The following METAP1 variants were observed in gnomAD, a reference collection of about 807,000 sequenced individuals.
METAP1 encodes the protein methionine aminopeptidase 1.
In METAP1, 28 loss-of-function variants were observed where a neutral mutation model predicts 53.8. That is an observed-to-expected ratio of 0.52 (90% confidence interval 0.39 to 0.71). METAP1 has a LOEUF of 0.71. METAP1 is among the 30% of genes least tolerant of loss of function. METAP1 has a pLI of 0.00. For missense variants in METAP1, 389 were observed against 479.8 expected, an observed-to-expected ratio of 0.81 and a Z score of 1.77; for synonymous variants, 181 against 165.7, an observed-to-expected ratio of 1.09 and a Z score of -0.71.
At chr4:99,003,558 A>C (rs1309302330) in intron 1 of METAP1, among the ~76,000 whole-genome samples, 3 of 152,252 alleles carry the variant, frequency 2.0e-5, no homozygotes, top group Non-Finnish European at 4.4e-5. Flanking sequence ...TGATAGAGAA[A>C]AATGTGAATG....
chr4:99,047,108 T>G (rs181046579), intron 8 of METAP1, among the ~76,000 whole-genome samples: 484 of 152,288 alleles, frequency 3.2e-3, no homozygotes, highest in Non-Finnish European at 5.5e-3. Flanking sequence ...TATATCATTT[T>G]TGCCCCTCAT....
chr4:99,055,822 G>A lies in METAP1; in HGVS notation c.932-1931G>A, dbSNP rs115499054. 4.0e-3 allele frequency among the ~76,000 whole-genome samples: 611 copies of A among 152,188 alleles called. 1 individual carries two copies. Among genetic ancestry groups the A allele is most frequent in the African/African-American group, 0.014 (575 of 41,532 alleles). ...GTGACACCACACTGACATTCTTGACGTTTTCTTTTTGGTTTCTCCAAGGAA... is the reference window on the plus strand; with the variant it reads ...GTGACACCACACTGACATTCTTGACATTTTCTTTTTGGTTTCTCCAAGGAA... On this transcript the variant is annotated intron_variant, in intron 9 of 10. Coordinates refer to ENST00000296411, the MANE Select transcript of METAP1 (RefSeq NM_015143.3).
chr4:99,015,962 G>T (rs1026344886), intron 1 of METAP1, among the ~76,000 whole-genome samples: 1 of 152,194 alleles, frequency 6.6e-6, no homozygotes, highest in African/African-American at 2.4e-5. Context: ...CTTGACTCGA[G>T]TGTGATGGGT....
intron 8 of METAP1, among the ~76,000 whole-genome samples, chr4:99,046,557 A>C (rs1453009573): frequency 6.6e-6 from 1 of 152,176 alleles, no homozygotes; most frequent in Non-Finnish European, 1.5e-5. Context: ...CAGTCTCTCC[A>C]AATCTTGATG....
rs58336779 is a variant in METAP1 at position 98,999,508 on chromosome 4, ATTTTT to A, written c.114+3657_114+3661del. Reference sequence around the variant, plus strand: ...AGAAATATTTTATCTAGGATGCTTAATTTTTTTTTTTTTTTTTTTTGAGACCGAGT... The same window carrying A: ...AGAAATATTTTATCTAGGATGCTTAATTTTTTTTTTTTTTTGAGACCGAGT... On this transcript the variant is annotated intron_variant, in intron 1 of 10. Transcript: ENST00000296411. Among the ~76,000 whole-genome samples the A allele has an allele frequency of 5.3e-5, 6 of 113,044 alleles. 1 individual carries two copies. Among genetic ancestry groups the A allele is most frequent in the African/African-American group, 2.3e-4 (6 of 25,848 alleles). 74.2% of individuals were successfully genotyped at this position (113,044 alleles called of 152,430 possible).
chr4:99,015,428 G>A (rs1430883707), intron 1 of METAP1, among the ~76,000 whole-genome samples: 2 of 152,162 alleles, frequency 1.3e-5, no homozygotes, highest in Non-Finnish European at 2.9e-5. Flanking sequence ...AGAGATGGCC[G>A]ATAGCTGGCT....
intron 2 of METAP1, chr4:99,031,408 T>A (rs1725012670): frequency 4.0e-6 from 5 of 1,248,198 alleles, no homozygotes; most frequent in East Asian, 1.1e-4. Flanking sequence ...TAGCCAAAAT[T>A]AAGGTATAAA....
At chr4:99,027,324 G>A (rs1724631936) in intron 1 of METAP1, among the ~76,000 whole-genome samples, 1 of 151,070 alleles carries the variant, frequency 6.6e-6, no homozygotes. Context: ...ACTTCTTAGG[G>A]GAAAAGGAGA....
intron 3 of METAP1, among the ~76,000 whole-genome samples, chr4:99,034,898 TA>T (rs1725320467): frequency 6.6e-6 from 1 of 152,230 alleles, no homozygotes; most frequent in Non-Finnish European, 1.5e-5. Flanking sequence ...CTTGGAGTCT[TA>T]ATGTAAGAAT....
At chr4:99,027,797 CT>C (rs914138473) in intron 1 of METAP1, among the ~76,000 whole-genome samples, 1 of 152,110 alleles carries the variant, frequency 6.6e-6, no homozygotes, top group Non-Finnish European at 1.5e-5. Flanking sequence ...ATTTTCTTTG[CT>C]TAACTGTTGC....
chr4:99,022,323 G>T, intron 1 of METAP1: 1 of 825,742 alleles, frequency 1.2e-6, no homozygotes, highest in South Asian at 4.6e-5. Flanking sequence ...AGGAGTCCCT[G>T]ACCAGGGAAG....
At chr4:99,060,031 C>A (rs1217017982) in intron 10 of METAP1, among the ~76,000 whole-genome samples, 1 of 152,138 alleles carries the variant, frequency 6.6e-6, no homozygotes, top group African/African-American at 2.4e-5. Flanking sequence ...ACAATATATG[C>A]TGAGTATAGT....
chr4:98,998,475 G>A (rs2004995), intron 1 of METAP1, among the ~76,000 whole-genome samples: 120,883 of 152,172 alleles, frequency 0.79, 48,635 homozygotes, highest in East Asian at 0.99. Context: ...GTGAGCCGAG[G>A]TTGCACCACT....
chr4:99,059,406 G>C (rs929429633), intron 10 of METAP1, among the ~76,000 whole-genome samples: 1 of 152,186 alleles, frequency 6.6e-6, no homozygotes, highest in Non-Finnish European at 1.5e-5. Context: ...TTAGTTGCTT[G>C]ATGAGGCATG....
At chr4:99,046,675 A>G (rs1408695452) in intron 8 of METAP1, among the ~76,000 whole-genome samples, 3 of 152,160 alleles carry the variant, frequency 2.0e-5, no homozygotes, top group Non-Finnish European at 2.9e-5. Context: ...TTTAATGTGT[A>G]TGGGAGATGA....
At chr4:99,026,090 C>T (rs1041576987) in intron 1 of METAP1, 5 of 284,196 alleles carry the variant, frequency 1.8e-5, no homozygotes, top group African/African-American at 9.1e-5. Flanking sequence ...CCCTGGCCAC[C>T]TTGGGCACAT....
chr4:99,044,085 G>T (rs1726056256), intron 7 of METAP1, among the ~76,000 whole-genome samples: 1 of 151,998 alleles, frequency 6.6e-6, no homozygotes, highest in Admixed American at 6.6e-5. Flanking sequence ...TTGCTACCAT[G>T]CCCAGCTCAG....
chr4:99,020,698 C>T (rs1487352514), intron 1 of METAP1, among the ~76,000 whole-genome samples: 1 of 152,182 alleles, frequency 6.6e-6, no homozygotes, highest in East Asian at 1.9e-4. Flanking sequence ...TGTATCTCTT[C>T]TGAAGACATA....
intron 1 of METAP1, among the ~76,000 whole-genome samples, chr4:99,004,927 A>G (rs1723107879): frequency 6.6e-6 from 1 of 152,084 alleles, no homozygotes; most frequent in Non-Finnish European, 1.5e-5. Flanking sequence ...TCTTCTGTCA[A>G]TGGAAATTTG....
Sources: allele counts gnomAD v4.1 joint callset (sites outside exome capture counted in the v4.1 genomes callset), GRCh38; gene constraint gnomAD v4.1.1; transcripts MANE v1.5; gene names NCBI Gene and HGNC (gene_info 2026-07-23, HGNC 2026-07-21).